C8orf34: variants seen among roughly 807,000 people sequenced by gnomAD.
C8orf34 encodes chromosome 8 open reading frame 34.
Under a neutral mutation model 68.3 loss-of-function variants are expected in C8orf34, and 65 were observed. The observed-to-expected ratio is 0.95, with a 90% CI of 0.78 to 1.17. The LOEUF (loss-of-function observed/expected upper bound fraction) is 1.17. Among genes scored for constraint, C8orf34 ranks in the 50% most tolerant of loss-of-function variants. The pLI, the probability that C8orf34 is intolerant of heterozygous loss-of-function variation, is 0.00. For synonymous variants in C8orf34, 244 were observed against 241.2 expected (o/e 1.01, Z -0.11); for missense variants, 664 against 655.4 (o/e 1.01, Z -0.14).
chr8:68,367,919 A>AAAAAAAAAAAAAAAAAAAAAAAAAAAAAT (rs1360194680), intron 1 of C8orf34, among the ~76,000 whole-genome samples: 1 of 135,308 alleles, frequency 7.4e-6, no homozygotes, highest in Non-Finnish European at 1.5e-5. Flanking sequence ...AAAGAAAAAA[A>AAAAAAAAAAAAAAAAAAAAAAAAAAAAAT]AAAAAAAAAA....
intron 10 of C8orf34, among the ~76,000 whole-genome samples, chr8:68,763,758 C>T (rs1394888448): frequency 1.3e-5 from 2 of 152,318 alleles, no homozygotes; most frequent in Non-Finnish European, 2.9e-5. Context: ...TAATAATCCT[C>T]ATTCATTCAA....
intron 5 of C8orf34, among the ~76,000 whole-genome samples, chr8:68,491,005 T>C (rs1013785429): frequency 2.0e-5 from 3 of 152,238 alleles, no homozygotes; most frequent in Non-Finnish European, 4.4e-5. Flanking sequence ...TAAATATAGC[T>C]TCTTCCTTTT....
intron 5 of C8orf34, among the ~76,000 whole-genome samples, chr8:68,505,372 G>C (rs1813962584): frequency 6.6e-6 from 1 of 152,108 alleles, no homozygotes; most frequent in Non-Finnish European, 1.5e-5. Flanking sequence ...GCCAGTAGCT[G>C]GTGGGTTTGG....
intron 1 of C8orf34, among the ~76,000 whole-genome samples, chr8:68,332,961 C>G (rs1052925344): frequency 6.6e-6 from 1 of 152,072 alleles, no homozygotes; most frequent in African/African-American, 2.4e-5. Flanking sequence ...CCTTCTGCAA[C>G]GCAGTGTATT....
At chr8:68,661,561 A>G (rs1309184690) in intron 8 of C8orf34, among the ~76,000 whole-genome samples, 1 of 152,214 alleles carries the variant, frequency 6.6e-6, no homozygotes, top group African/African-American at 2.4e-5. Context: ...GAGTCCTAAA[A>G]GCAGGCTGCC....
intron 12 of C8orf34, chr8:68,792,672 A>C (rs1448700131): frequency 6.6e-6 from 1 of 151,468 alleles, no homozygotes; most frequent in African/African-American, 2.4e-5. Flanking sequence ...AGACAAAGAG[A>C]TATTTAAAAG....
At position 68,796,818 on chromosome 8, in the gene C8orf34, T is replaced by C. The variant is rs942544239; in HGVS notation, c.1549+9282T>C. Among the ~76,000 whole-genome samples, 17 of 130,982 alleles carry C rather than the reference T, an allele frequency of 1.3e-4. No homozygotes were observed. In the Middle Eastern group the frequency reaches 0.012, roughly 92 times the overall value. The allele number at this position is 130,982 out of a possible 152,430, so 85.9% of individuals were successfully genotyped here. ...CAGCTTTTGAAAAATATATTTGAGT[T>C]CTTCTTTTTTTTTTTTTTTTTTTTT... On this transcript the variant is annotated intron_variant, in intron 12 of 13. Coordinates refer to ENST00000518698, the MANE Select transcript of C8orf34 (RefSeq NM_052958.4).
chr8:68,408,639 A>C (rs1012592925), intron 1 of C8orf34, among the ~76,000 whole-genome samples: 21 of 152,336 alleles, frequency 1.4e-4, no homozygotes, highest in Admixed American at 1.3e-3. Flanking sequence ...CGTTTCAGTC[A>C]TGATGAACTG....
chr8:68,776,930 A>G (rs959866636), intron 11 of C8orf34, among the ~76,000 whole-genome samples: 3 of 152,204 alleles, frequency 2.0e-5, no homozygotes, highest in African/African-American at 7.2e-5. Flanking sequence ...TCACTTGGAA[A>G]CTTTTTAGAC....
chr8:68,353,645 A>G (rs1264152358), intron 1 of C8orf34, among the ~76,000 whole-genome samples: 1 of 147,660 alleles, frequency 6.8e-6, no homozygotes, highest in Admixed American at 6.8e-5. Context: ...TATTATATAT[A>G]TATATATATA....
chr8:68,597,722 T>C (rs1449184163), intron 7 of C8orf34, among the ~76,000 whole-genome samples: 4 of 152,096 alleles, frequency 2.6e-5, no homozygotes, highest in African/African-American at 9.7e-5. Flanking sequence ...TTCTCATGTT[T>C]CAGATAATAC....
chr8:68,480,028 C>G (rs1447971584), intron 4 of C8orf34, among the ~76,000 whole-genome samples: 1 of 152,124 alleles, frequency 6.6e-6, no homozygotes, highest in Non-Finnish European at 1.5e-5. Flanking sequence ...TACTATTTAG[C>G]CCGTAACAGA....
chr8:68,536,358 CAAAAAAAA>C (rs10696903), intron 7 of C8orf34, among the ~76,000 whole-genome samples: 66 of 49,230 alleles, frequency 1.3e-3, no homozygotes, highest in Non-Finnish European at 1.9e-3. Context: ...GACCCTATCT[CAAAAAAAA>C]AAAAAAAAAA....
At chr8:68,619,544 A>G (rs1446264135) in intron 7 of C8orf34, among the ~76,000 whole-genome samples, 1 of 152,130 alleles carries the variant, frequency 6.6e-6, no homozygotes, top group African/African-American at 2.4e-5. Flanking sequence ...TTAATTTTAT[A>G]TTATGTTTCT....
At chr8:68,403,155 A>G (rs1466484519) in intron 1 of C8orf34, among the ~76,000 whole-genome samples, 1 of 152,206 alleles carries the variant, frequency 6.6e-6, no homozygotes, top group Non-Finnish European at 1.5e-5. Context: ...AGTAGTGGAT[A>G]TGACAACTCT....
intron 10 of C8orf34, among the ~76,000 whole-genome samples, chr8:68,737,650 C>A (rs1294196047): frequency 1.3e-5 from 2 of 151,402 alleles, no homozygotes; most frequent in East Asian, 3.9e-4. Flanking sequence ...AACTTTAAAT[C>A]AACAAAGATT....
At chr8:68,739,811 G>A (rs1343923458) in intron 10 of C8orf34, among the ~76,000 whole-genome samples, 2 of 151,670 alleles carry the variant, frequency 1.3e-5, no homozygotes, top group African/African-American at 2.4e-5. Context: ...ACAAACAAAC[G>A]AACAAAAACC....
At chr8:68,486,869 G>C (rs1813099942) in intron 4 of C8orf34, among the ~76,000 whole-genome samples, 1 of 151,946 alleles carries the variant, frequency 6.6e-6, no homozygotes, top group Non-Finnish European at 1.5e-5. Flanking sequence ...AGTTCTCCTG[G>C]GCTTCAAACT....
intron 5 of C8orf34, among the ~76,000 whole-genome samples, chr8:68,521,500 A>G (rs893564180): frequency 6.6e-6 from 1 of 152,132 alleles, no homozygotes; most frequent in African/African-American, 2.4e-5. Context: ...CCTGTTTACA[A>G]CACACTCTTC....
Sources: allele counts gnomAD v4.1 joint callset (sites outside exome capture counted in the v4.1 genomes callset), GRCh38; gene constraint gnomAD v4.1.1; transcripts MANE v1.5; gene names NCBI Gene and HGNC (gene_info 2026-07-23, HGNC 2026-07-21).